Variants in MAP7D2 observed in about 807,000 individuals in gnomAD.
MAP7D2 encodes the protein MAP7 domain-containing protein 2.
A neutral mutation model predicts 63.5 loss-of-function variants in MAP7D2; 33 were observed. That is an observed-to-expected ratio of 0.52 (90% confidence interval 0.39 to 0.70). The LOEUF (loss-of-function observed/expected upper bound fraction) is 0.70, where lower values mean the gene tolerates loss of function less well. Ranked by LOEUF, MAP7D2 falls within the 30% of genes least tolerant of loss-of-function variation. The pLI is 0.00. For synonymous variants in MAP7D2, 224 were observed against 223.7 expected, an observed-to-expected ratio of 1.00 and a Z score of -0.01; for missense variants, 626 against 604.0, an observed-to-expected ratio of 1.04 and a Z score of -0.38.
chrX:20,052,772 G>A (rs781685941), intron 5 of MAP7D2, 106 bp downstream of exon 5: 15 of 600,265 alleles, frequency 2.5e-5, no homozygotes, highest in Non-Finnish European at 4.2e-5. Flanking sequence ...GGACAATGAC[G>A]GTATCTGCAG....
chrX:20,065,917 CT>C (rs11323432), intron 1 of MAP7D2, among the ~76,000 whole-genome samples: 26,864 of 91,625 alleles, frequency 0.29, 4,989 homozygotes, highest in African/African-American at 0.68. Flanking sequence ...GCACACCATT[CT>C]TTTTTTTTTT....
At chrX:20,077,731 C>T (rs2065683212) in intron 1 of MAP7D2, among the ~76,000 whole-genome samples, 2 of 112,237 alleles carry the variant, frequency 1.8e-5, no homozygotes, top group Admixed American at 1.9e-4. Flanking sequence ...AATCAGGCTA[C>T]CTTTCCTAAT....
chrX:20,056,539 T>C (rs1380719115), intron 4 of MAP7D2, 141 bp downstream of exon 4: 3 of 457,387 alleles, frequency 6.6e-6, no homozygotes, highest in South Asian at 3.7e-5. Context: ...GTTTTAAACA[T>C]CACATCTGAA....
rs186038234 is a variant in MAP7D2, at chrX:20,053,057, G to T, written c.485-69C>A. 73 of 806,408 alleles carry T rather than the reference G, an allele frequency of 9.1e-5. No homozygotes were observed. The African/African-American group carries it at 1.3e-3, about 14-fold the overall frequency. 66.5% of individuals were successfully genotyped at this position (806,408 alleles called of 1,213,427 possible). On this transcript the variant is annotated intron_variant, in intron 4 of 16. Coordinates refer to ENST00000379643, the MANE Select transcript of MAP7D2 (RefSeq NM_001168465.2). ...TGTAGAACCAAGAAACACATATCCCGAAGTGTCCTTCCTGTCCTCATCCAC... is the reference window on the plus strand; with the variant it reads ...TGTAGAACCAAGAAACACATATCCCTAAGTGTCCTTCCTGTCCTCATCCAC...
intron 1 of MAP7D2, among the ~76,000 whole-genome samples, chrX:20,086,726 A>G (rs2065919857): frequency 1.8e-5 from 2 of 111,738 alleles, no homozygotes; most frequent in Non-Finnish European, 1.9e-5. Flanking sequence ...TGATGATGAT[A>G]ATAATCAACA....
At chrX:20,040,337 G>A (rs966302899) in intron 8 of MAP7D2, among the ~76,000 whole-genome samples, 10 of 111,878 alleles carry the variant, frequency 8.9e-5, no homozygotes, top group African/African-American at 3.2e-4. Flanking sequence ...TCCCTCTGGA[G>A]AACCCTGACT....
intron 6 of MAP7D2, chrX:20,049,942 T>C (rs966125250): frequency 1.3e-4 from 36 of 285,324 alleles, no homozygotes; most frequent in African/African-American, 9.1e-4. Flanking sequence ...ATTAATGATG[T>C]TGAGCATCTT....
chrX:20,047,189 C>A (rs1405664678), intron 6 of MAP7D2, among the ~76,000 whole-genome samples: 1 of 112,698 alleles, frequency 8.9e-6, no homozygotes, highest in African/African-American at 3.2e-5. Flanking sequence ...AAACCTGGGA[C>A]TGAGCTGAAT....
At chrX:20,037,583 A>T (rs774059293) in intron 8 of MAP7D2, among the ~76,000 whole-genome samples, 6 of 112,015 alleles carry the variant, frequency 5.4e-5, no homozygotes, top group Admixed American at 9.5e-5. Context: ...TGGTGAAGGG[A>T]AATCTTCCCA....
intron 8 of MAP7D2, among the ~76,000 whole-genome samples, chrX:20,027,198 C>T (rs2073876510): frequency 8.9e-6 from 1 of 112,009 alleles, no homozygotes. Context: ...TCAGAACTCC[C>T]AAGACACCTT....
chrX:20,103,168 G>C (rs1224461314), intron 1 of MAP7D2, among the ~76,000 whole-genome samples: 1 of 111,816 alleles, frequency 8.9e-6, no homozygotes, highest in Non-Finnish European at 1.9e-5. Flanking sequence ...TGCTGGAAAA[G>C]CTCTGCCCAC....
At chrX:20,106,577 T>G (rs1174115426) in intron 1 of MAP7D2, among the ~76,000 whole-genome samples, 2 of 112,135 alleles carry the variant, frequency 1.8e-5, no homozygotes, top group Non-Finnish European at 3.8e-5. Context: ...ATGGAAATGC[T>G]CTAGGTCAGT....
intron 1 of MAP7D2, among the ~76,000 whole-genome samples, chrX:20,115,349 GA>G (rs2066865878): frequency 9.5e-6 from 1 of 105,196 alleles, no homozygotes; most frequent in African/African-American, 3.5e-5. Context: ...ACAGAACATC[GA>G]AACAAACTAT....
In MAP7D2 at chrX:20,016,028, C is replaced by A. The variant is rs1471977950; in HGVS notation, c.1644+66G>T. The A allele has an allele frequency of 4.5e-6, 4 of 898,380 alleles. No homozygotes were observed. In the Admixed American group the frequency reaches 1.1e-4, roughly 24 times the overall value. The allele number at this position is 898,380 out of a possible 1,213,427, so 74.0% of individuals were successfully genotyped here. A position where few individuals can be genotyped will look rare whatever the true frequency, so the allele number is the denominator to read the frequency against. On this transcript the variant is annotated intron_variant, in intron 11 of 16. Transcript: ENST00000379643. The stretch of plus-strand genomic sequence containing the variant: ...AACATTATGAGTCATTGAAATTTAA[C>A]TAATTGTACCTACTATCAAGGTCCT...
At chrX:20,069,376 T>C (rs908314602) in intron 1 of MAP7D2, among the ~76,000 whole-genome samples, 1 of 109,995 alleles carries the variant, frequency 9.1e-6, no homozygotes, top group East Asian at 2.9e-4. Flanking sequence ...CTGGCTAATT[T>C]TTTTATTTTT....
At chrX:20,027,959 C>T (rs773268828) in intron 8 of MAP7D2, among the ~76,000 whole-genome samples, 11 of 110,275 alleles carry the variant, frequency 1.0e-4, no homozygotes, top group African/African-American at 3.6e-4. Context: ...TACGATTCAG[C>T]ACGTTGAGTC....
At chrX:20,041,855 T>C (rs1047706771) in intron 8 of MAP7D2, among the ~76,000 whole-genome samples, 1 of 111,615 alleles carries the variant, frequency 9.0e-6, no homozygotes, top group Non-Finnish European at 1.9e-5. Context: ...TTGGTGAGTT[T>C]ACCTAGTTCC....
chrX:20,043,793 G>C (rs1603369866), intron 7 of MAP7D2, among the ~76,000 whole-genome samples: 1 of 111,987 alleles, frequency 8.9e-6, no homozygotes, highest in East Asian at 2.8e-4. Context: ...ACACAATTGG[G>C]GGTGCCTTCT....
chrX:20,091,048 C>T (rs2066055613), intron 1 of MAP7D2, among the ~76,000 whole-genome samples: 2 of 106,652 alleles, frequency 1.9e-5, no homozygotes, highest in African/African-American at 6.9e-5. Context: ...GTGAGTGGAA[C>T]ACTCTTTTTT....
Sources: gnomAD v4.1 joint callset for allele counts (sites outside exome capture counted in the v4.1 genomes callset) on GRCh38, gnomAD v4.1.1 for gene constraint, MANE v1.5 for transcripts, NCBI Gene and HGNC (gene_info 2026-07-23, HGNC 2026-07-21) for gene names.